The following PLSCR2 variants were observed in gnomAD, a reference collection of about 807,000 sequenced individuals.
PLSCR2 encodes phospholipid scramblase 2.
PLSCR2 carries 18 observed loss-of-function variants against 25.3 expected under a neutral mutation model. The observed-to-expected ratio is 0.71, with a 90% CI of 0.49 to 1.06. PLSCR2 has a LOEUF of 1.06. Ranked by LOEUF, PLSCR2 falls within the 50% of genes least tolerant of loss-of-function variation. PLSCR2 has a pLI of 0.00. For synonymous variants in PLSCR2, 88 were observed against 87.3 expected (o/e 1.01, Z -0.04); for missense variants, 243 against 269.5 (o/e 0.90, Z 0.69).
In PLSCR2 at chr3:146,458,321, C is replaced by T. The variant is rs748676312; in HGVS notation, c.100+90G>A. On this transcript the variant is annotated intron_variant, in intron 3 of 6. Coordinates refer to ENST00000610787, the Ensembl canonical transcript of PLSCR2. The stretch of plus-strand genomic sequence containing the variant: ...GTCAGTTTTACCATCCCACATCACT[C>T]GGAATGCTATATTTATAGTTTTTGA... The T allele has an allele frequency of 4.9e-5, 55 of 1,128,552 alleles. 1 individual carries two copies. Among genetic ancestry groups the T allele is most frequent in the Middle Eastern group, 4.3e-4 (2 of 4,690 alleles). The allele number at this position is 1,128,552 out of a possible 1,614,324, so 69.9% of individuals were successfully genotyped here.
chr3:146,409,785 A>T (rs949332552), intron 2 of PLSCR2, among the ~76,000 whole-genome samples: 3 of 152,146 alleles, frequency 2.0e-5, no homozygotes, highest in African/African-American at 7.2e-5. Context: ...ATTATTTTTT[A>T]AAAGGCAATT....
intron 6 of PLSCR2, among the ~76,000 whole-genome samples, chr3:146,444,730 A>G (rs57377801): frequency 0.092 from 14,007 of 151,948 alleles, 883 homozygotes; most frequent in African/African-American, 0.18. Flanking sequence ...TCTTTTGATT[A>G]GAGAGTTTAG....
chr3:146,467,031 C>A (rs545993492), intron 1 of PLSCR2, among the ~76,000 whole-genome samples: 3 of 152,226 alleles, frequency 2.0e-5, no homozygotes, highest in Admixed American at 2.0e-4. Flanking sequence ...AAATGAAAAG[C>A]ACAGTTGTTA....
chr3:146,469,299 T>G (rs569863889), intron 1 of PLSCR2, 196 bp downstream of exon 1: 4 of 985,632 alleles, frequency 4.1e-6, no homozygotes, highest in Admixed American at 1.2e-4. Context: ...ACGGTTCTGG[T>G]GTGAGCCAGG....
rs115537286 is a variant in PLSCR2 at position 146,471,649 on chromosome 3, C to G, written c.-292-11365G>C. On this transcript the variant is annotated intron_variant, in intron 1 of 8. Coordinates refer to the PLSCR2 transcript ENST00000336685. ...TGGCACGATCTCAGCTCACTGCACA[C>G]TCCACCCTCCGGGTTAAAGAAATTC... Among the ~76,000 whole-genome samples the G allele has an allele frequency of 5.9e-3, 901 of 151,792 alleles. 9 individuals carry two copies. Among genetic ancestry groups the G allele is most frequent in the African/African-American group, 0.021 (860 of 41,370 alleles).
intron 1 of PLSCR2, among the ~76,000 whole-genome samples, chr3:146,482,206 A>G (rs1197898659): frequency 6.6e-6 from 1 of 152,228 alleles, no homozygotes; most frequent in African/African-American, 2.4e-5. Context: ...CAATGACAAC[A>G]AAAGCCAAAA....
intron 2 of PLSCR2, among the ~76,000 whole-genome samples, chr3:146,405,022 G>C (rs1171700279): frequency 6.6e-6 from 1 of 152,126 alleles, no homozygotes; most frequent in Non-Finnish European, 1.5e-5. Context: ...ACTTGAGCGA[G>C]TTAGAGAAAA....
rs1360167344 is a variant in PLSCR2 at position 146,423,265 on chromosome 3, CTCTCTCTCTCTCTCTCT to C, written c.101-27361_101-27345del. Among the ~76,000 whole-genome samples, 158 of 146,232 alleles carry C rather than the reference CTCTCTCTCTCTCTCTCT, an allele frequency of 1.1e-3. 1 individual carries two copies. The highest frequency in any genetic ancestry group is 3.8e-3 in the African/African-American group (152 of 39,642). On this transcript the variant is annotated intron_variant and NMD_transcript_variant, in intron 2 of 3. Coordinates refer to the PLSCR2 transcript ENST00000463633. ...TCTCTCTCTCTCTCTCTCTCTCTCT[CTCTCTCTCTCTCTCTCT>C]CCCTGGCTAGATTCTCACAAGAAAC...
intron 1 of PLSCR2, among the ~76,000 whole-genome samples, chr3:146,465,452 T>C (rs1216382968): frequency 1.3e-5 from 2 of 152,062 alleles, no homozygotes; most frequent in Non-Finnish European, 2.9e-5. Flanking sequence ...TCATACTTAA[T>C]TCTGGAAGAT....
intron 3 of PLSCR2, among the ~76,000 whole-genome samples, chr3:146,457,118 T>C (rs918442675): frequency 6.6e-6 from 1 of 152,180 alleles, no homozygotes; most frequent in African/African-American, 2.4e-5. Context: ...TCACGTACTT[T>C]AAAAGCAGTT....
rs1387559040 is a variant in PLSCR2 at position 146,423,397 on chromosome 3, T to C, written c.101-27476A>G. ...CTTCTATTCAATATCAGTTATTTCA[T>C]TTGCCTCAATACTATCTATAACACA... On this transcript the variant is annotated intron_variant and NMD_transcript_variant, in intron 2 of 3. Coordinates refer to the PLSCR2 transcript ENST00000463633. 4.6e-5 allele frequency among the ~76,000 whole-genome samples: 7 copies of C among 152,120 alleles called. No individual in the cohort carries two copies. The East Asian group carries it at 1.3e-3, about 29-fold the overall frequency.
chr3:146,473,843 T>C (rs1054114694), intron 1 of PLSCR2, among the ~76,000 whole-genome samples: 4 of 152,216 alleles, frequency 2.6e-5, no homozygotes, highest in Admixed American at 2.6e-4. Context: ...TAAATTCCCA[T>C]GTGACGCTCA....
At chr3:146,473,391 T>C (rs1196487812) in intron 1 of PLSCR2, among the ~76,000 whole-genome samples, 1 of 143,460 alleles carries the variant, frequency 7.0e-6, no homozygotes, top group African/African-American at 2.6e-5. Flanking sequence ...TGCAGCAACC[T>C]CCACCTCCCA....
At chr3:146,488,920 A>G (rs1017203246) in intron 1 of PLSCR2, among the ~76,000 whole-genome samples, 2 of 152,156 alleles carry the variant, frequency 1.3e-5, no homozygotes, top group Non-Finnish European at 2.9e-5. Flanking sequence ...ATCAACCCAA[A>G]TGCTCATCAA....
intron 8 of PLSCR2, among the ~76,000 whole-genome samples, chr3:146,433,736 C>A (rs1162239377): frequency 6.6e-6 from 1 of 152,060 alleles, no homozygotes; most frequent in Admixed American, 6.6e-5. Flanking sequence ...CCCTGGGTAC[C>A]CTTCATCCTT....
At chr3:146,423,871 T>A (rs2039245620) in intron 2 of PLSCR2, among the ~76,000 whole-genome samples, 1 of 152,044 alleles carries the variant, frequency 6.6e-6, no homozygotes, top group South Asian at 2.1e-4. Flanking sequence ...CCCTAGTGCT[T>A]CCAGAAATAA....
chr3:146,475,415 G>A (rs986957392), intron 1 of PLSCR2, among the ~76,000 whole-genome samples: 3 of 151,900 alleles, frequency 2.0e-5, no homozygotes, highest in African/African-American at 7.3e-5. Context: ...AGTTTTCTGG[G>A]GGTTCACTTC....
At chr3:146,412,170 C>T (rs2038875028) in intron 2 of PLSCR2, among the ~76,000 whole-genome samples, 1 of 152,080 alleles carries the variant, frequency 6.6e-6, no homozygotes, top group Admixed American at 6.5e-5. Flanking sequence ...TTTAGTCCAC[C>T]CAGTAGCTCT....
chr3:146,422,694 G>T (rs1158935400), intron 2 of PLSCR2, among the ~76,000 whole-genome samples: 2 of 152,058 alleles, frequency 1.3e-5, no homozygotes, highest in Admixed American at 1.3e-4. Context: ...GAGCAAGCTG[G>T]TCAATGTACT....
Sources: gnomAD v4.1 joint callset for allele counts (sites outside exome capture counted in the v4.1 genomes callset) on GRCh38, gnomAD v4.1.1 for gene constraint, MANE v1.5 for transcripts, NCBI Gene and HGNC (gene_info 2026-07-23, HGNC 2026-07-21) for gene names.